Variants in CFAP96 observed in about 807,000 individuals in gnomAD.
The protein encoded by CFAP96 is cilia-and flagella-associated protein 96.
the CFAP96 span, chr4:185,440,637 A>T: frequency 6.6e-7 from 1 of 1,524,230 alleles, no homozygotes; most frequent in Non-Finnish European, 8.9e-7. Context: ...TATTTTTCTG[A>T]GGAATCTTTA....
chr4:185,409,960 T>C, the CFAP96 span, among the ~76,000 whole-genome samples: 5 of 152,174 alleles, frequency 3.3e-5, no homozygotes, highest in African/African-American at 1.2e-4. Context: ...CCTGCTGACA[T>C]TGTGATGTCA....
chr4:185,429,691 G>A, the CFAP96 span, among the ~76,000 whole-genome samples: 1 of 152,026 alleles, frequency 6.6e-6, no homozygotes. Flanking sequence ...TATTTATTTA[G>A]AAACAGGATC....
the CFAP96 span, among the ~76,000 whole-genome samples, chr4:185,436,578 C>G: frequency 6.6e-6 from 1 of 151,888 alleles, no homozygotes; most frequent in African/African-American, 2.4e-5. Context: ...GGTGTGGTGG[C>G]GGGCACCTGT....
the CFAP96 span, among the ~76,000 whole-genome samples, chr4:185,410,428 C>G: frequency 2.0e-5 from 3 of 150,116 alleles, no homozygotes; most frequent in African/African-American, 7.4e-5. Context: ...GTGGGTAGAT[C>G]ACCTAAAGTC....
At chr4:185,412,646 A>C in the CFAP96 span, among the ~76,000 whole-genome samples, 1 of 152,122 alleles carries the variant, frequency 6.6e-6, no homozygotes, top group Non-Finnish European at 1.5e-5. Flanking sequence ...ACACAAGCTG[A>C]AACAGTGAGG....
At chr4:185,439,332 G>C in the CFAP96 span, among the ~76,000 whole-genome samples, 1 of 152,272 alleles carries the variant, frequency 6.6e-6, no homozygotes, top group African/African-American at 2.4e-5. Flanking sequence ...CACCAAGAAT[G>C]AATGAATGTC....
At chr4:185,449,522 T>TC in the CFAP96 span, 21 of 827,370 alleles carry the variant, frequency 2.5e-5, no homozygotes, top group Middle Eastern at 7.5e-4. Flanking sequence ...GACCCGGTCT[T>TC]AAAAAAAAAA....
At chr4:185,448,557 T>C in the CFAP96 span, among the ~76,000 whole-genome samples, 4 of 152,194 alleles carry the variant, frequency 2.6e-5, no homozygotes, top group African/African-American at 9.7e-5. Context: ...TTCCCCTAGA[T>C]ATTAGGGTAA....
At chr4:185,432,189 G>A in the CFAP96 span, 2 of 1,551,134 alleles carry the variant, frequency 1.3e-6, no homozygotes, top group East Asian at 2.4e-5. Context: ...CCTAGTAATG[G>A]AGAGAAAAAG....
chr4:185,438,997 C>T, the CFAP96 span, among the ~76,000 whole-genome samples: 3 of 152,170 alleles, frequency 2.0e-5, no homozygotes, highest in African/African-American at 7.2e-5. Context: ...GACCAGTACT[C>T]AACTGAACAT....
the CFAP96 span, chr4:185,449,542 CAG>C: frequency 9.1e-7 from 1 of 1,094,360 alleles, no homozygotes; most frequent in Non-Finnish European, 1.3e-6. Flanking sequence ...AAAGAATGTA[CAG>C]GTATTTGACT....
the CFAP96 span, chr4:185,413,923 T>G: frequency 1.3e-6 from 2 of 1,483,808 alleles, no homozygotes; most frequent in African/African-American, 1.4e-5. Context: ...GTGATTTAGA[T>G]TCCTAGTCAA....
At chr4:185,422,700 G>T in the CFAP96 span, 7 of 654,940 alleles carry the variant, frequency 1.1e-5, no homozygotes, top group African/African-American at 1.9e-5. Flanking sequence ...TTAATTCCTT[G>T]TTTTATAGAA....
At chr4:185,433,312 G>T in the CFAP96 span, among the ~76,000 whole-genome samples, 1 of 148,170 alleles carries the variant, frequency 6.7e-6, no homozygotes, top group African/African-American at 2.5e-5. Flanking sequence ...GGAGAATCTC[G>T]CTTTAACTCC....
chr4:185,426,250 G>C, the CFAP96 span: 747 of 228,494 alleles, frequency 3.3e-3, 9 homozygotes, highest in Admixed American at 0.029. Context: ...GTGGTGGAAC[G>C]TGCAGAGGCG....
chr4:185,415,588 C>T, the CFAP96 span: 3 of 945,338 alleles, frequency 3.2e-6, no homozygotes, highest in East Asian at 2.6e-5. Flanking sequence ...TAATAGATGG[C>T]TCTTAGGTTA....
the CFAP96 span, among the ~76,000 whole-genome samples, chr4:185,448,810 A>G: frequency 6.6e-6 from 1 of 152,188 alleles, no homozygotes; most frequent in African/African-American, 2.4e-5. Context: ...CAGGTTTTCT[A>G]TGTGTCCTCT....
the CFAP96 span, among the ~76,000 whole-genome samples, chr4:185,417,003 A>G: frequency 6.6e-6 from 1 of 152,234 alleles, no homozygotes; most frequent in African/African-American, 2.4e-5. Context: ...AGTAAGATAC[A>G]TATGTAGTTT....
chr4:185,439,720 TTA>T, the CFAP96 span, among the ~76,000 whole-genome samples: 1 of 149,586 alleles, frequency 6.7e-6, no homozygotes, highest in Non-Finnish European at 1.5e-5. Flanking sequence ...AGCAAAAAAA[TTA>T]TAGACATGTA....
Sources: gnomAD v4.1 joint callset for allele counts (sites outside exome capture counted in the v4.1 genomes callset) on GRCh38, gnomAD v4.1.1 for gene constraint, MANE v1.5 for transcripts, NCBI Gene and HGNC (gene_info 2026-07-23, HGNC 2026-07-21) for gene names.